TMEM131: variants seen among roughly 807,000 people sequenced by gnomAD.
TMEM131 encodes the protein 2610524E03Rik.
A neutral mutation model predicts 211.6 loss-of-function variants in TMEM131; 66 were observed. That is an observed-to-expected ratio of 0.31 (90% CI 0.26 to 0.38). The LOEUF is 0.38. TMEM131 is among the 10% of genes least tolerant of loss of function. TMEM131 has a pLI of 1.00. For missense variants in TMEM131, 2,036 were observed against 2,299.3 expected, an observed-to-expected ratio of 0.89 and a Z score of 2.34; for synonymous variants, 844 against 841.3, an observed-to-expected ratio of 1.00 and a Z score of -0.06.
At chr2:97,942,625 C>T (rs921879647) in intron 1 of TMEM131, among the ~76,000 whole-genome samples, 29 of 151,850 alleles carry the variant, frequency 1.9e-4, no homozygotes, top group Non-Finnish European at 1.6e-4. Context: ...AGACAGCCTA[C>T]ATGAAATGAA....
intron 3 of TMEM131, among the ~76,000 whole-genome samples, chr2:97,895,632 C>G (rs111385270): frequency 6.6e-6 from 1 of 152,136 alleles, no homozygotes; most frequent in African/African-American, 2.4e-5. Flanking sequence ...TCCATTTCTT[C>G]TAGGTTTTCT....
intron 11 of TMEM131, among the ~76,000 whole-genome samples, chr2:97,829,363 C>A (rs1682549955): frequency 7.2e-6 from 1 of 139,092 alleles, no homozygotes; most frequent in Admixed American, 7.1e-5. Context: ...TGTAAATGCA[C>A]CAATCAGCAC....
chr2:97,956,618 T>C (rs1678577726), intron 1 of TMEM131, among the ~76,000 whole-genome samples: 1 of 152,156 alleles, frequency 6.6e-6, no homozygotes, highest in Non-Finnish European at 1.5e-5. Context: ...AGAGAAAAAT[T>C]TATGTCAAAG....
intron 1 of TMEM131, among the ~76,000 whole-genome samples, chr2:97,929,024 C>G (rs2104449085): frequency 6.6e-6 from 1 of 151,826 alleles, no homozygotes; most frequent in Non-Finnish European, 1.5e-5. Flanking sequence ...ATGCCAATAG[C>G]AAAGAACACA....
intron 1 of TMEM131, 83 bp downstream of exon 1, chr2:97,995,393 C>T: frequency 8.0e-7 from 1 of 1,251,200 alleles, no homozygotes; most frequent in Non-Finnish European, 1.0e-6. Flanking sequence ...CGGCCGCGGC[C>T]CTTCCTCCCG....
chr2:97,829,550 AGAACATGGCG>A lies in TMEM131; in HGVS notation c.1074+3805_1074+3814del, dbSNP rs528723852. On this transcript the variant is annotated intron_variant, in intron 11 of 40. Coordinates refer to ENST00000186436, the MANE Select transcript of TMEM131 (RefSeq NM_015348.2). ...CGCTCTGTAAAATGGACGAATCAGCAGAACATGGCGGGGAGCCAAATAACGGAATAAAAGC... is the reference window on the plus strand; with the variant it reads ...CGCTCTGTAAAATGGACGAATCAGCAGGGAGCCAAATAACGGAATAAAAGC... Among the ~76,000 whole-genome samples, 234 of 152,348 alleles carry A rather than the reference AGAACATGGCG, an allele frequency of 1.5e-3. 3 individuals carry two copies. The South Asian group carries it at 0.019, about 12-fold the overall frequency.
intron 33 of TMEM131, among the ~76,000 whole-genome samples, chr2:97,769,624 ACTT>A (rs1404223509): frequency 1.3e-5 from 2 of 152,208 alleles, no homozygotes; most frequent in Admixed American, 6.5e-5. Context: ...TGATTAATCT[ACTT>A]CTTTTGCTTA....
intron 31 of TMEM131, among the ~76,000 whole-genome samples, chr2:97,778,495 G>A: frequency 6.6e-6 from 1 of 151,956 alleles, no homozygotes; most frequent in Non-Finnish European, 1.5e-5. Context: ...AGGTTGCAGT[G>A]GGCTGAGATC....
intron 1 of TMEM131, among the ~76,000 whole-genome samples, chr2:97,953,717 G>A (rs1001967749): frequency 7.9e-5 from 12 of 152,190 alleles, no homozygotes; most frequent in Admixed American, 2.0e-4. Context: ...TTCCCTTTAA[G>A]CTACCGTGGA....
chr2:97,957,775 C>T (rs1678638245), intron 1 of TMEM131, among the ~76,000 whole-genome samples: 1 of 151,952 alleles, frequency 6.6e-6, no homozygotes, highest in Non-Finnish European at 1.5e-5. Context: ...ATGAAAGTTT[C>T]AAAACTAGGC....
intron 1 of TMEM131, among the ~76,000 whole-genome samples, chr2:97,950,130 A>G (rs1405201993): frequency 6.6e-6 from 1 of 152,244 alleles, no homozygotes; most frequent in Non-Finnish European, 1.5e-5. Context: ...AAGACAAAAA[A>G]TAAAAATACA....
At position 97,769,406 on chromosome 2, in the gene TMEM131, T is replaced by C. The variant is rs1679355682; in HGVS notation, c.4449-2804A>G. Among the ~76,000 whole-genome samples the C allele has an allele frequency of 3.9e-5, 6 of 152,338 alleles. No homozygotes were observed. The South Asian group carries it at 1.2e-3, about 32-fold the overall frequency. ...CACAACGTTACACCTGACTCAAGCC[T>C]GGCCTATTTTTATTCCTGTAATACA... On this transcript the variant is annotated intron_variant, in intron 33 of 40. Coordinates refer to ENST00000186436, the MANE Select transcript of TMEM131 (RefSeq NM_015348.2).
chr2:97,866,216 AT>A (rs1674266737), intron 4 of TMEM131, among the ~76,000 whole-genome samples: 1 of 152,250 alleles, frequency 6.6e-6, no homozygotes, highest in African/African-American at 2.4e-5. Context: ...TAATGCAAAC[AT>A]TTCACTTGTT....
At chr2:97,774,150 A>G (rs181165153) in intron 32 of TMEM131, among the ~76,000 whole-genome samples, 145 of 152,374 alleles carry the variant, frequency 9.5e-4, no homozygotes, top group Middle Eastern at 6.8e-3. Flanking sequence ...CCTGGCTCAC[A>G]TATCGTTTGA....
chr2:97,871,270 A>G (rs115232648), intron 4 of TMEM131, among the ~76,000 whole-genome samples: 4,231 of 152,320 alleles, frequency 0.028, 66 homozygotes, highest in Middle Eastern at 0.061. Context: ...AGTTGACGCC[A>G]TCTTGCTTCT....
chr2:97,766,584 A>G lies in TMEM131; in HGVS notation c.4467T>C (p.Tyr1489=). 6.2e-7 allele frequency: 1 copy of G among 1,613,898 alleles called. No individual in the cohort carries two copies. The highest frequency in any genetic ancestry group is 8.5e-7 in the Non-Finnish European group (1 of 1,179,834). Residue 1489 remains tyrosine, a synonymous_variant, in exon 34 of 41, where the codon TAT becomes TAC. Transcript: ENST00000186436. ...DVKPSSLELP[Y]TPPLESKQRR... ...GTTGCTTACTTTCCAAAGGGGGAGT[A>G]TATGGTAGTTCTAATGAACTGAAAG...
chr2:97,818,481 G>GGGGAAAAAAAAAAAAA, intron 12 of TMEM131, 132 bp downstream of exon 12: 1 of 292,102 alleles, frequency 3.4e-6, no homozygotes, highest in Non-Finnish European at 6.4e-6. Context: ...GGCGGGGGGG[G>GGGGAAAAAAAAAAAAA]ATCAACCTAA....
intron 31 of TMEM131, among the ~76,000 whole-genome samples, chr2:97,785,379 C>T (rs548142022): frequency 1.9e-4 from 29 of 151,914 alleles, no homozygotes; most frequent in Non-Finnish European, 3.7e-4. Context: ...GGTATTTTAC[C>T]AAGGAAAACA....
At chr2:97,957,530 G>C (rs1327442925) in intron 1 of TMEM131, among the ~76,000 whole-genome samples, 1 of 152,016 alleles carries the variant, frequency 6.6e-6, no homozygotes, top group Admixed American at 6.5e-5. Context: ...TAAACAGAAA[G>C]TACCAGCTAA....
Sources: gnomAD v4.1 joint callset for allele counts (sites outside exome capture counted in the v4.1 genomes callset) on GRCh38, gnomAD v4.1.1 for gene constraint, MANE v1.5 for transcripts, NCBI Gene and HGNC (gene_info 2026-07-23, HGNC 2026-07-21) for gene names.